Variants in CLVS1 observed in about 807,000 individuals in gnomAD.
CLVS1 encodes clavesin 1.
Under a neutral mutation model 33.1 loss-of-function variants are expected in CLVS1, and 10 were observed. That is an observed-to-expected ratio of 0.30 (90% CI 0.19 to 0.51). CLVS1 has a LOEUF of 0.51. CLVS1 is among the 20% of genes least tolerant of loss of function. The pLI is 0.97. For missense variants in CLVS1, 343 were observed against 433.4 expected (o/e 0.79, Z 1.85); for synonymous variants, 163 against 166.1 (o/e 0.98, Z 0.14).
the CLVS1 span, among the ~76,000 whole-genome samples, chr8:60,989,578 C>G: frequency 6.6e-6 from 1 of 152,144 alleles, no homozygotes; most frequent in Non-Finnish European, 1.5e-5. Context: ...TGCTATTGCT[C>G]TAGTCTGGGG....
the CLVS1 span, among the ~76,000 whole-genome samples, chr8:60,990,795 G>A: frequency 1.3e-5 from 2 of 150,038 alleles, no homozygotes; most frequent in Non-Finnish European, 2.9e-5. Flanking sequence ...TGCAAGCTCC[G>A]CCTCCTGGTT....
At chr8:61,330,657 T>G (rs751707014) in intron 2 of CLVS1, among the ~76,000 whole-genome samples, 1 of 152,332 alleles carries the variant, frequency 6.6e-6, no homozygotes. Flanking sequence ...GCTGTACAGA[T>G]GTACATCACT....
chr8:61,355,521 G>A (rs1434166600), intron 2 of CLVS1, among the ~76,000 whole-genome samples: 6 of 151,870 alleles, frequency 4.0e-5, no homozygotes, highest in Non-Finnish European at 7.4e-5. Context: ...CCATTAACTC[G>A]TCATTTAGCA....
chr8:61,369,928 C>A (rs1007272275), intron 2 of CLVS1, among the ~76,000 whole-genome samples: 8 of 152,138 alleles, frequency 5.3e-5, no homozygotes, highest in African/African-American at 1.2e-4. Flanking sequence ...AGAGGAAAGG[C>A]AAAGCACACT....
the CLVS1 span, among the ~76,000 whole-genome samples, chr8:61,014,559 A>C: frequency 1.3e-5 from 2 of 152,252 alleles, no homozygotes; most frequent in Non-Finnish European, 2.9e-5. Context: ...ATGCACTTTG[A>C]AATGTTTAAA....
upstream of CLVS1, among the ~76,000 whole-genome samples, chr8:61,283,128 A>C (rs1403749422): frequency 6.6e-6 from 1 of 152,220 alleles, no homozygotes; most frequent in African/African-American, 2.4e-5. Flanking sequence ...GAATGAAAAT[A>C]TTCTCTCTCC....
intron 2 of CLVS1, among the ~76,000 whole-genome samples, chr8:61,150,279 G>A (rs143544448): frequency 2.0e-5 from 3 of 152,244 alleles, no homozygotes; most frequent in Admixed American, 6.5e-5. Context: ...GGTCCAGCAG[G>A]GGAAGGCACT....
chr8:61,335,020 A>G (rs1355581623), intron 2 of CLVS1, among the ~76,000 whole-genome samples: 1 of 152,200 alleles, frequency 6.6e-6, no homozygotes, highest in South Asian at 2.1e-4. Context: ...TTGGTCAGAG[A>G]TGAAATCATA....
intron 3 of CLVS1, among the ~76,000 whole-genome samples, chr8:61,422,263 T>C (rs1275019753): frequency 1.3e-5 from 2 of 152,206 alleles, no homozygotes; most frequent in African/African-American, 4.8e-5. Flanking sequence ...AATTGGAGAT[T>C]ACACATCTGC....
intron 1 of CLVS1, among the ~76,000 whole-genome samples, chr8:61,081,593 G>A (rs768941767): frequency 6.6e-6 from 1 of 152,156 alleles, no homozygotes; most frequent in African/African-American, 2.4e-5. Flanking sequence ...TTGTATCCTG[G>A]TCTCCAGAGA....
chr8:61,243,836 A>G lies in CLVS1; in HGVS notation c.-151-55841A>G, dbSNP rs182752121. On this transcript the variant is annotated intron_variant, in intron 2 of 2. Transcript: ENST00000522621. ...CTGTTTCATTAATATCTGCTCTTTCACTGTTAGCTTCCTTGTGTTTTCTTT... is the reference window on the plus strand; with the variant it reads ...CTGTTTCATTAATATCTGCTCTTTCGCTGTTAGCTTCCTTGTGTTTTCTTT... Among the ~76,000 whole-genome samples, 592 of 151,826 alleles carry G rather than the reference A, an allele frequency of 3.9e-3. 1 individual carries two copies. Among genetic ancestry groups the G allele is most frequent in the Non-Finnish European group, 6.0e-3 (405 of 67,908 alleles).
At chr8:61,266,837 A>C (rs1318411171) in intron 2 of CLVS1, among the ~76,000 whole-genome samples, 2 of 152,220 alleles carry the variant, frequency 1.3e-5, no homozygotes, top group Non-Finnish European at 2.9e-5. Flanking sequence ...TAGATAGCTA[A>C]TGGATATTTG....
intron 2 of CLVS1, among the ~76,000 whole-genome samples, chr8:61,303,710 G>A (rs527677624): frequency 1.3e-4 from 20 of 152,204 alleles, no homozygotes; most frequent in Admixed American, 1.1e-3. Context: ...TATAACTTTC[G>A]ACAAGCAACC....
chr8:61,145,255 C>T (rs1011584650), intron 2 of CLVS1, among the ~76,000 whole-genome samples: 12 of 152,198 alleles, frequency 7.9e-5, no homozygotes, highest in African/African-American at 2.6e-4. Context: ...AACAAATTTA[C>T]AAGAAAAAAC....
In CLVS1 at chr8:61,309,600, T is replaced by C. The variant is rs375088138; in HGVS notation, c.455+9318T>C. Among the ~76,000 whole-genome samples, 7 of 152,364 alleles carry C rather than the reference T, an allele frequency of 4.6e-5. No homozygotes were observed. In the East Asian group the frequency reaches 1.2e-3, roughly 25 times the overall value. ...TTTGTTCTTAGAGGACAGGTGCTTTTCCACTTGCCCTTGTTTCTGGGAAGG... is the reference window on the plus strand; with the variant it reads ...TTTGTTCTTAGAGGACAGGTGCTTTCCCACTTGCCCTTGTTTCTGGGAAGG... On this transcript the variant is annotated intron_variant, in intron 2 of 5. Coordinates refer to ENST00000325897, the MANE Select transcript of CLVS1 (RefSeq NM_173519.3).
At chr8:61,142,566 A>G (rs1585640133) in intron 2 of CLVS1, among the ~76,000 whole-genome samples, 1 of 152,230 alleles carries the variant, frequency 6.6e-6, no homozygotes, top group African/African-American at 2.4e-5. Context: ...GCCATCACAG[A>G]TAAAGCATAT....
chr8:61,141,086 A>C (rs1294661373), intron 2 of CLVS1, among the ~76,000 whole-genome samples: 4 of 152,212 alleles, frequency 2.6e-5, no homozygotes, highest in Admixed American at 2.6e-4. Flanking sequence ...ATCTGAACTC[A>C]TCTAAATGGG....
intron 2 of CLVS1, among the ~76,000 whole-genome samples, chr8:61,189,904 A>G (rs962474257): frequency 6.6e-6 from 1 of 152,152 alleles, no homozygotes; most frequent in African/African-American, 2.4e-5. Flanking sequence ...AGAGACTTAG[A>G]CTCCCACACA....
chr8:61,325,682 T>C (rs1811356436), intron 2 of CLVS1, among the ~76,000 whole-genome samples: 1 of 152,194 alleles, frequency 6.6e-6, no homozygotes, highest in South Asian at 2.1e-4. Context: ...AAAAGCTTTC[T>C]GAAGTTTTAA....
Sources: gnomAD v4.1 joint callset for allele counts (sites outside exome capture counted in the v4.1 genomes callset) on GRCh38, gnomAD v4.1.1 for gene constraint, MANE v1.5 for transcripts, NCBI Gene and HGNC (gene_info 2026-07-23, HGNC 2026-07-21) for gene names.